Variants in RNF145 observed in about 807,000 individuals in gnomAD.
RNF145 encodes ring finger protein 145.
Under a neutral mutation model 57.3 loss-of-function variants are expected in RNF145, and 12 were observed. The observed-to-expected ratio is 0.21, with a 90% CI of 0.13 to 0.34. The LOEUF (loss-of-function observed/expected upper bound fraction) is 0.34, where lower values mean the gene tolerates loss of function less well. Among genes scored for constraint, RNF145 ranks in the 10% least tolerant of loss-of-function variants. The pLI is 1.00. For synonymous variants in RNF145, 262 were observed against 288.3 expected, an observed-to-expected ratio of 0.91 and a Z score of 0.92; for missense variants, 429 against 799.0, an observed-to-expected ratio of 0.54 and a Z score of 5.58.
chr5:159,197,255 A>C (rs963996918), intron 2 of RNF145, among the ~76,000 whole-genome samples: 2 of 152,232 alleles, frequency 1.3e-5, no homozygotes, highest in South Asian at 2.1e-4. Flanking sequence ...GAAAACCATA[A>C]AAGTGTAATT....
intron 3 of RNF145, among the ~76,000 whole-genome samples, chr5:159,191,648 T>C (rs1488170296): frequency 8.6e-5 from 13 of 151,974 alleles, no homozygotes; most frequent in Admixed American, 7.9e-4. Flanking sequence ...AAAAATTAGC[T>C]GGGCATGGTG....
intron 2 of RNF145, among the ~76,000 whole-genome samples, chr5:159,199,600 C>G (rs902364697): frequency 2.6e-5 from 4 of 152,142 alleles, no homozygotes; most frequent in Admixed American, 6.5e-5. Flanking sequence ...TACCTCTTGC[C>G]TAAAATCCTA....
intron 3 of RNF145, among the ~76,000 whole-genome samples, chr5:159,183,915 T>G (rs990000898): frequency 2.6e-5 from 4 of 152,210 alleles, no homozygotes; most frequent in African/African-American, 7.2e-5. Context: ...AGGTGACAGC[T>G]GCACAACATT....
chr5:159,174,710 A>G (rs1361271618), intron 5 of RNF145, among the ~76,000 whole-genome samples: 1 of 152,022 alleles, frequency 6.6e-6, no homozygotes, highest in African/African-American at 2.4e-5. Context: ...CCTTCCTCCT[A>G]CTGTGTTTTT....
chr5:159,201,613 T>C lies in RNF145; in HGVS notation c.184+1821A>G, dbSNP rs140442929. Among the ~76,000 whole-genome samples, 620 of 152,248 alleles carry C rather than the reference T, an allele frequency of 4.1e-3. 2 individuals carry two copies. The highest frequency in any genetic ancestry group is 0.014 in the African/African-American group (574 of 41,560). On this transcript the variant is annotated intron_variant, in intron 2 of 10. Coordinates refer to ENST00000424310, the MANE Select transcript of RNF145 (RefSeq NM_001199383.2). ...AAAAAGAGCACAAAACTCTATTTCATAAATATCTAAAAGCAGTAGTTATGG... is the reference window on the plus strand; with the variant it reads ...AAAAAGAGCACAAAACTCTATTTCACAAATATCTAAAAGCAGTAGTTATGG...
chr5:159,192,467 T>C (rs1383447378), intron 3 of RNF145, among the ~76,000 whole-genome samples: 1 of 152,232 alleles, frequency 6.6e-6, no homozygotes, highest in African/African-American at 2.4e-5. Flanking sequence ...CCTTCAACCT[T>C]GATATTTTCT....
At chr5:159,184,118 A>C (rs1234411176) in intron 3 of RNF145, among the ~76,000 whole-genome samples, 1 of 152,202 alleles carries the variant, frequency 6.6e-6, no homozygotes, top group Non-Finnish European at 1.5e-5. Flanking sequence ...AGAAGAATTG[A>C]GGTCCCTACC....
At chr5:159,208,223 C>T (rs1391374810) in intron 1 of RNF145, 2 of 1,221,434 alleles carry the variant, frequency 1.6e-6, no homozygotes, top group Non-Finnish European at 2.1e-6. Context: ...GCAGCAGCAA[C>T]CGGGCCGCCG....
chr5:159,162,876 G>C (rs2113082460), intron 9 of RNF145, 56 bp downstream of exon 9: 1 of 1,421,426 alleles, frequency 7.0e-7, no homozygotes, highest in Non-Finnish European at 9.5e-7. Context: ...TTCCTCCTCT[G>C]GGAGGAAAAA....
At chr5:159,180,552 T>C (rs964119694) in intron 4 of RNF145, among the ~76,000 whole-genome samples, 1 of 152,140 alleles carries the variant, frequency 6.6e-6, no homozygotes, top group Non-Finnish European at 1.5e-5. Flanking sequence ...AACAAGCAAC[T>C]AGTCTATTGC....
At position 159,160,899 on chromosome 5, in the gene RNF145, C is replaced by T. The variant is rs139453340; in HGVS notation, c.1626+367G>A. Among the ~76,000 whole-genome samples the T allele has an allele frequency of 9.1e-4, 139 of 152,198 alleles. No homozygotes were observed. In the Middle Eastern group the frequency reaches 0.01, roughly 11 times the overall value. ...CTGGAAATACTAGAGGGAAAAGAGT[C>T]AGAATTTTGGCACACCACTTTTCAG... On this transcript the variant is annotated intron_variant, in intron 10 of 10. Coordinates refer to ENST00000424310, the MANE Select transcript of RNF145 (RefSeq NM_001199383.2).
chr5:159,172,900 G>A (rs191813520), intron 6 of RNF145, among the ~76,000 whole-genome samples: 2 of 152,246 alleles, frequency 1.3e-5, no homozygotes, highest in African/African-American at 2.4e-5. Context: ...TTACTTTATA[G>A]GAGGACAGAT....
At chr5:159,184,459 T>C (rs1215239611) in intron 3 of RNF145, among the ~76,000 whole-genome samples, 1 of 152,210 alleles carries the variant, frequency 6.6e-6, no homozygotes, top group African/African-American at 2.4e-5. Flanking sequence ...AGCACGCAAC[T>C]TATAAACAGG....
At chr5:159,207,206 A>G (rs903790243) in intron 1 of RNF145, among the ~76,000 whole-genome samples, 1 of 152,204 alleles carries the variant, frequency 6.6e-6, no homozygotes, top group Non-Finnish European at 1.5e-5. Context: ...TTAGTTTTGA[A>G]TATGAAGAAA....
intron 3 of RNF145, among the ~76,000 whole-genome samples, chr5:159,192,509 A>G (rs1439994878): frequency 2.0e-5 from 3 of 152,240 alleles, no homozygotes; most frequent in African/African-American, 7.2e-5. Context: ...TCAATTCTAA[A>G]AAGATATTAT....
chr5:159,209,588 G>GCGCGCGGCCCAGCC (rs1786040208), upstream of RNF145: 4 of 1,032,896 alleles, frequency 3.9e-6, 1 homozygote, highest in Admixed American at 5.7e-5. Flanking sequence ...CTCTGCGCCT[G>GCGCGCGGCCCAGCC]CGCGCGGCCC....
At position 159,161,404 on chromosome 5, in the gene RNF145, A is replaced by G. The variant is rs1562045026; in HGVS notation, c.1488T>C (p.Tyr496=). The G allele has an allele frequency of 6.2e-7, 1 of 1,614,200 alleles. No individual in the cohort carries two copies. Among genetic ancestry groups the G allele is most frequent in the Admixed American group, 1.7e-5 (1 of 60,026 alleles). ...CCAGCTGGGCCCGAAGCCACACGTTATAGTAGGAATGAATGAAGATGATCA... is the reference window on the plus strand; with the variant it reads ...CCAGCTGGGCCCGAAGCCACACGTTGTAGTAGGAATGAATGAAGATGATCA... ...GSMIIFIHSY[Y]NVWLRAQLGW... The change falls in exon 10 of 11, where the codon TAT becomes TAC. Residue 496 remains tyrosine (Y), a synonymous_variant. Transcript: ENST00000424310.
intron 3 of RNF145, among the ~76,000 whole-genome samples, chr5:159,188,122 C>A (rs1785147087): frequency 6.6e-6 from 1 of 152,106 alleles, no homozygotes; most frequent in South Asian, 2.1e-4. Context: ...GTGGCTCATG[C>A]CTGTTATCCC....
At chr5:159,209,624 G>A, upstream of RNF145, 2 of 1,061,706 alleles carry the variant, frequency 1.9e-6, no homozygotes, top group Non-Finnish European at 2.3e-6. Flanking sequence ...CCCCTCCCGC[G>A]CGCGCCCGCG....
Sources: allele counts gnomAD v4.1 joint callset (sites outside exome capture counted in the v4.1 genomes callset), GRCh38; gene constraint gnomAD v4.1.1; transcripts MANE v1.5; gene names NCBI Gene and HGNC (gene_info 2026-07-23, HGNC 2026-07-21).